The following XKR6 variants were observed in gnomAD, a reference collection of about 807,000 sequenced individuals.
XKR6 encodes XK-related protein 6.
A neutral mutation model predicts 56.7 loss-of-function variants in XKR6; 22 were observed. The ratio of observed to expected loss-of-function variants is 0.39; its 90% confidence interval spans 0.28 to 0.55. The LOEUF (loss-of-function observed/expected upper bound fraction) is 0.55, where lower values mean the gene tolerates loss of function less well. XKR6 is among the 20% of genes least tolerant of loss of function. XKR6 has a pLI of 0.66. For missense variants in XKR6, 852 were observed against 889.0 expected, an observed-to-expected ratio of 0.96 and a Z score of 0.53; for synonymous variants, 524 against 387.8, an observed-to-expected ratio of 1.35 and a Z score of -4.13.
At chr8:10,931,997 G>GA (rs1414184059) in intron 1 of XKR6, among the ~76,000 whole-genome samples, 1 of 151,960 alleles carries the variant, frequency 6.6e-6, no homozygotes, top group Non-Finnish European at 1.5e-5. Context: ...AAGCTCACTA[G>GA]AAAAAAACAA....
intron 1 of XKR6, among the ~76,000 whole-genome samples, chr8:10,958,880 T>A (rs1801974746): frequency 6.6e-6 from 1 of 152,218 alleles, no homozygotes; most frequent in Non-Finnish European, 1.5e-5. Flanking sequence ...ATTATCCAGC[T>A]CTGAGGGAGC....
At chr8:11,155,654 G>T (rs570901292) in intron 1 of XKR6, among the ~76,000 whole-genome samples, 2 of 152,270 alleles carry the variant, frequency 1.3e-5, no homozygotes, top group African/African-American at 4.8e-5. Flanking sequence ...GAGTGTAACA[G>T]GTCCTTACAA....
intron 1 of XKR6, among the ~76,000 whole-genome samples, chr8:10,970,263 G>C (rs1482458615): frequency 2.0e-5 from 3 of 152,198 alleles, no homozygotes; most frequent in African/African-American, 4.8e-5. Flanking sequence ...AGGGTACCAG[G>C]TCTTGGCAGA....
intron 1 of XKR6, among the ~76,000 whole-genome samples, chr8:11,045,438 C>G (rs1799389052): frequency 6.6e-6 from 1 of 152,272 alleles, no homozygotes; most frequent in Middle Eastern, 3.4e-3. Flanking sequence ...TTGATTGTCC[C>G]AATAATGCCA....
chr8:11,132,153 G>C (rs1225716985), intron 1 of XKR6, among the ~76,000 whole-genome samples: 1 of 151,936 alleles, frequency 6.6e-6, no homozygotes, highest in African/African-American at 2.4e-5. Context: ...CAAGCTCCCA[G>C]GTATGCCAGG....
At chr8:11,062,329 C>T (rs1471304929) in intron 1 of XKR6, among the ~76,000 whole-genome samples, 1 of 152,146 alleles carries the variant, frequency 6.6e-6, no homozygotes, top group Admixed American at 6.5e-5. Flanking sequence ...CCAACTGTGA[C>T]ATATGATCTG....
chr8:11,159,945 C>G (rs547664848), intron 1 of XKR6, among the ~76,000 whole-genome samples: 2 of 152,282 alleles, frequency 1.3e-5, no homozygotes, highest in South Asian at 4.1e-4. Flanking sequence ...AGATCCACCA[C>G]GCTGGGTCCT....
chr8:11,195,006 A>G (rs927519379), intron 1 of XKR6: 1 of 587,406 alleles, frequency 1.7e-6, no homozygotes, highest in Admixed American at 3.0e-5. Flanking sequence ...TGTTCACTCA[A>G]AAACAAGAAA....
intron 2 of XKR6, among the ~76,000 whole-genome samples, chr8:10,907,407 G>A (rs896689323): frequency 2.0e-5 from 3 of 152,122 alleles, no homozygotes; most frequent in African/African-American, 7.2e-5. Flanking sequence ...CAATAACAGT[G>A]ATATCTTCCC....
At chr8:11,029,652 T>C (rs1798947848) in intron 1 of XKR6, among the ~76,000 whole-genome samples, 1 of 152,164 alleles carries the variant, frequency 6.6e-6, no homozygotes, top group Admixed American at 6.5e-5. Flanking sequence ...TCTGGCTTTC[T>C]TCACAGCAGC....
intron 1 of XKR6, among the ~76,000 whole-genome samples, chr8:11,190,380 G>C (rs1171673988): frequency 6.6e-6 from 1 of 152,166 alleles, no homozygotes; most frequent in African/African-American, 2.4e-5. Context: ...CAACATATTT[G>C]AGTGCAGTAT....
intron 1 of XKR6, among the ~76,000 whole-genome samples, chr8:11,077,785 C>G (rs976453156): frequency 6.6e-6 from 1 of 152,202 alleles, no homozygotes; most frequent in African/African-American, 2.4e-5. Flanking sequence ...GTCCCCATGG[C>G]AACCGCTCCA....
chr8:10,994,065 C>T (rs1798055356), intron 1 of XKR6, among the ~76,000 whole-genome samples: 1 of 152,160 alleles, frequency 6.6e-6, no homozygotes, highest in African/African-American at 2.4e-5. Flanking sequence ...CTTGGCTGGG[C>T]CCCTGAAAGT....
chr8:10,931,153 A>C (rs901329321), intron 1 of XKR6, among the ~76,000 whole-genome samples: 2 of 152,196 alleles, frequency 1.3e-5, no homozygotes, highest in African/African-American at 2.4e-5. Context: ...AATAATTGAA[A>C]ATTTAAAAAT....
intron 1 of XKR6, among the ~76,000 whole-genome samples, chr8:11,112,218 G>A (rs1171264643): frequency 6.6e-6 from 1 of 152,098 alleles, no homozygotes; most frequent in African/African-American, 2.4e-5. Flanking sequence ...TTGTCATCAT[G>A]GTGACAGACA....
In XKR6 at chr8:11,086,150, T is replaced by TATATATATATA. The variant is rs1439777662; in HGVS notation, c.764+114425_764+114426insTATATATATAT. The stretch of plus-strand genomic sequence containing the variant: ...AAAAAGAAAATATATATATATATAT[T>TATATATATATA]TTTTTTTAAAAAAAACAAGCATAAT... On this transcript the variant is annotated intron_variant, in intron 1 of 2. Transcript: ENST00000416569. Among the ~76,000 whole-genome samples the TATATATATATA allele has an allele frequency of 2.4e-3, 270 of 112,726 alleles. 3 individuals carry two copies. Among genetic ancestry groups the TATATATATATA allele is most frequent in the African/African-American group, 0.011 (253 of 22,986 alleles). 74.0% of individuals were successfully genotyped at this position (112,726 alleles called of 152,430 possible). A position where few individuals can be genotyped will look rare whatever the true frequency, so the allele number is the denominator to read the frequency against.
At chr8:11,073,011 C>G (rs1411896887) in intron 1 of XKR6, among the ~76,000 whole-genome samples, 1 of 151,614 alleles carries the variant, frequency 6.6e-6, no homozygotes, top group Non-Finnish European at 1.5e-5. Flanking sequence ...GATCGCGCCT[C>G]TGTACTCCAG....
intron 1 of XKR6, among the ~76,000 whole-genome samples, chr8:11,098,211 T>A (rs1313853393): frequency 6.6e-6 from 1 of 151,140 alleles, no homozygotes; most frequent in African/African-American, 2.4e-5. Flanking sequence ...GGTGACTCTC[T>A]CACACACACA....
At chr8:11,040,858 G>GC (rs2129155893) in intron 1 of XKR6, among the ~76,000 whole-genome samples, 1 of 152,280 alleles carries the variant, frequency 6.6e-6, no homozygotes, top group East Asian at 1.9e-4. Context: ...CAGAATCATT[G>GC]CTTGTAGCGT....
Sources: allele counts gnomAD v4.1 joint callset (sites outside exome capture counted in the v4.1 genomes callset), GRCh38; gene constraint gnomAD v4.1.1; transcripts MANE v1.5; gene names NCBI Gene and HGNC (gene_info 2026-07-23, HGNC 2026-07-21).